ZNF346: variants seen among roughly 807,000 people sequenced by gnomAD.
ZNF346 encodes the protein zinc finger protein 346, also known as double-stranded RNA-binding zinc finger protein JAZ.
Under a neutral mutation model 33.7 loss-of-function variants are expected in ZNF346, and 23 were observed. The ratio of observed to expected loss-of-function variants is 0.68; its 90% CI spans 0.49 to 0.97. The LOEUF (loss-of-function observed/expected upper bound fraction) is 0.97. ZNF346 is among the 50% of genes least tolerant of loss of function. ZNF346 has a pLI of 0.00. For synonymous variants in ZNF346, 134 were observed against 142.4 expected (o/e 0.94, Z 0.42); for missense variants, 340 against 371.1 (o/e 0.92, Z 0.69).
intron 5 of ZNF346, among the ~76,000 whole-genome samples, chr5:177,053,814 A>T (rs184571039): frequency 6.6e-6 from 1 of 152,206 alleles, no homozygotes; most frequent in Non-Finnish European, 1.5e-5. Context: ...ATACTAGTCC[A>T]TGCCTAATCC....
intron 1 of ZNF346, among the ~76,000 whole-genome samples, chr5:177,038,855 T>C (rs963725753): frequency 6.9e-6 from 1 of 144,854 alleles, no homozygotes; most frequent in African/African-American, 2.7e-5. Context: ...CTCTTTTTTT[T>C]CTTCTTTTTT....
At chr5:177,024,978 T>C (rs1776553508) in intron 1 of ZNF346, among the ~76,000 whole-genome samples, 1 of 152,228 alleles carries the variant, frequency 6.6e-6, no homozygotes, top group Admixed American at 6.5e-5. Flanking sequence ...ACAATTTATA[T>C]ACCATACAAG....
At chr5:177,078,304 A>G (rs1201112492) in intron 8 of ZNF346, among the ~76,000 whole-genome samples, 3 of 152,238 alleles carry the variant, frequency 2.0e-5, no homozygotes, top group Non-Finnish European at 4.4e-5. Context: ...CAAAGACGCC[A>G]CGGTGTCAGC....
chr5:177,043,543 A>C (rs1260873132), intron 3 of ZNF346, among the ~76,000 whole-genome samples: 1 of 152,060 alleles, frequency 6.6e-6, no homozygotes, highest in African/African-American at 2.4e-5. Flanking sequence ...AGGCAGGCGG[A>C]TTGCTTGAGC....
intron 1 of ZNF346, among the ~76,000 whole-genome samples, chr5:177,039,627 AG>A (rs923332979): frequency 5.3e-5 from 8 of 152,040 alleles, no homozygotes; most frequent in Non-Finnish European, 8.8e-5. Context: ...ACCCCCGGCT[AG>A]TTTTTGGTTT....
At chr5:177,070,003 G>A (rs980547654), downstream of ZNF346, among the ~76,000 whole-genome samples, 2 of 152,112 alleles carry the variant, frequency 1.3e-5, no homozygotes, top group Non-Finnish European at 2.9e-5. Flanking sequence ...TTCTAGTTTG[G>A]GGGTATCATA....
At position 177,067,907 on chromosome 5, in the gene ZNF346, C is replaced by T. The variant is rs1335260832; in HGVS notation, c.*3308C>T. Reference sequence around the variant, plus strand: ...ATCACTTGCGGCCGGGAGTTTAAGACCATCCTGGCCAACGTGGTGAAATCC... The same window carrying T: ...ATCACTTGCGGCCGGGAGTTTAAGATCATCCTGGCCAACGTGGTGAAATCC... On this transcript the variant is annotated 3_prime_UTR_variant, in exon 7 of 7. Transcript: ENST00000358149. Among the ~76,000 whole-genome samples, 1 of 152,000 alleles carries T rather than the reference C, an allele frequency of 6.6e-6. No individual in the cohort carries two copies. The highest frequency in any genetic ancestry group is 1.5e-5 in the Non-Finnish European group (1 of 67,998).
intron 3 of ZNF346, among the ~76,000 whole-genome samples, chr5:177,043,168 A>T (rs1033267438): frequency 6.6e-6 from 1 of 151,734 alleles, no homozygotes; most frequent in African/African-American, 2.4e-5. Context: ...CTGATTTTTT[A>T]AAAAATTTTT....
At chr5:177,062,300 G>A in intron 6 of ZNF346, 149 bp downstream of exon 6, 1 of 662,454 alleles carries the variant, frequency 1.5e-6, no homozygotes, top group East Asian at 2.7e-5. Flanking sequence ...AGGAACAAGT[G>A]TCTCCTCTAT....
intron 1 of ZNF346, among the ~76,000 whole-genome samples, chr5:177,037,874 A>G (rs752807655): frequency 1.1e-4 from 16 of 152,126 alleles, no homozygotes; most frequent in Non-Finnish European, 1.6e-4. Flanking sequence ...TATTCATTCA[A>G]CATCATCTAC....
intron 1 of ZNF346, among the ~76,000 whole-genome samples, chr5:177,035,536 C>T (rs191256056): frequency 6.3e-4 from 96 of 151,904 alleles, no homozygotes; most frequent in African/African-American, 2.3e-3. Flanking sequence ...TCTTGGCTGA[C>T]TGCAGCCTCC....
intron 5 of ZNF346, among the ~76,000 whole-genome samples, chr5:177,056,309 T>G (rs1781673024): frequency 1.3e-5 from 2 of 152,138 alleles, no homozygotes; most frequent in African/African-American, 4.8e-5. Flanking sequence ...AGGAACACTT[T>G]TACACTGTTG....
At position 177,022,870 on chromosome 5, in the gene ZNF346, G is replaced by C. The variant is rs1328374212; in HGVS notation, c.132G>C (p.Leu44=). 6.6e-7 allele frequency: 1 copy of C among 1,519,976 alleles called. No homozygotes were observed. Among genetic ancestry groups the C allele is most frequent in the African/African-American group, 1.4e-5 (1 of 71,612 alleles). 94.2% of individuals were successfully genotyped at this position (1,519,976 alleles called of 1,614,324 possible). ...VRFDRERARR[L]WEAVSGAQPV... ...TTGACCGCGAGAGGGCGCGCCGCCT[G>C]TGGGAAGCCGTGTCCGGTGCCCAGC... Residue 44 remains leucine, a synonymous_variant, in exon 1 of 7, where the codon CTG becomes CTC. Transcript: ENST00000358149.
At chr5:177,033,348 G>C (rs771075443) in intron 1 of ZNF346, among the ~76,000 whole-genome samples, 80 of 152,208 alleles carry the variant, frequency 5.3e-4, no homozygotes, top group Non-Finnish European at 1.0e-3. Flanking sequence ...CAGAGTGTCA[G>C]ATTACAGGCG....
At chr5:177,030,138 G>T (rs1397885093) in intron 1 of ZNF346, among the ~76,000 whole-genome samples, 1 of 152,094 alleles carries the variant, frequency 6.6e-6, no homozygotes, top group Non-Finnish European at 1.5e-5. Flanking sequence ...ATAAATTTTT[G>T]AATGTTTTAT....
At position 177,064,946 on chromosome 5, in the gene ZNF346, A is replaced by G. The variant is rs1410394871; in HGVS notation, c.*347A>G. On this transcript the variant is annotated 3_prime_UTR_variant, in exon 7 of 7. Coordinates refer to ENST00000358149, the MANE Select transcript of ZNF346 (RefSeq NM_012279.4). Reference sequence around the variant, plus strand: ...TTCCTCTAAAGGTCAGTTTTGGGCCAGTTCTTGCAACTAAAGAGCAGAGAT... The same window carrying G: ...TTCCTCTAAAGGTCAGTTTTGGGCCGGTTCTTGCAACTAAAGAGCAGAGAT... 3 of 239,970 alleles carry G rather than the reference A, an allele frequency of 1.3e-5. No individual in the cohort carries two copies. Among genetic ancestry groups the G allele is most frequent in the Non-Finnish European group, 2.4e-5 (3 of 123,300 alleles). The allele number at this position is 239,970 out of a possible 1,614,324, so 14.9% of individuals were successfully genotyped here.
intron 4 of ZNF346, among the ~76,000 whole-genome samples, chr5:177,050,333 G>T (rs542314680): frequency 6.6e-6 from 1 of 152,126 alleles, no homozygotes; most frequent in Admixed American, 6.6e-5. Flanking sequence ...CCCAAACTTC[G>T]TGTCCCACTT....
chr5:177,051,561 T>TG (rs1562010130), intron 5 of ZNF346, among the ~76,000 whole-genome samples: 1 of 145,796 alleles, frequency 6.9e-6, no homozygotes, highest in African/African-American at 2.5e-5. Flanking sequence ...TTTTTTGAGA[T>TG]GGAGTCTCCC....
At position 177,022,696 on chromosome 5, in the gene ZNF346, A is replaced by T. The variant is rs773047972; in HGVS notation, c.-43A>T. ...CCACCCACCAAATCTCGCGATACCT[A>T]GGCGCCTGAGAGGCTCTCTACCGGT... On this transcript the variant is annotated 5_prime_UTR_variant, in exon 1 of 7. Transcript: ENST00000358149. The T allele has an allele frequency of 6.7e-7, 1 of 1,483,264 alleles. No individual in the cohort carries two copies. Among genetic ancestry groups the T allele is most frequent in the South Asian group, 1.3e-5 (1 of 77,542 alleles). 91.9% of individuals were successfully genotyped at this position (1,483,264 alleles called of 1,614,324 possible).
Sources: allele counts gnomAD v4.1 joint callset (sites outside exome capture counted in the v4.1 genomes callset), GRCh38; gene constraint gnomAD v4.1.1; transcripts MANE v1.5; gene names NCBI Gene and HGNC (gene_info 2026-07-23, HGNC 2026-07-21).